ULK4: variants seen among roughly 807,000 people sequenced by gnomAD.
ULK4 encodes the protein inactive serine/threonine-protein kinase ULK4.
A neutral mutation model predicts 160.6 loss-of-function variants in ULK4; 133 were observed. The observed-to-expected ratio is 0.83, with a 90% confidence interval of 0.72 to 0.96. The LOEUF (loss-of-function observed/expected upper bound fraction) is 0.96, where lower values mean the gene tolerates loss of function less well. ULK4 is among the 40% of genes least tolerant of loss of function. ULK4 has a pLI of 0.00. For missense variants in ULK4, 1,580 were observed against 1,499.5 expected (o/e 1.05, Z -0.89); for synonymous variants, 534 against 539.8 (o/e 0.99, Z 0.15).
At chr3:41,905,642 C>A (rs1383235847) in intron 12 of ULK4, among the ~76,000 whole-genome samples, 2 of 151,886 alleles carry the variant, frequency 1.3e-5, no homozygotes, top group Non-Finnish European at 2.9e-5. Context: ...AGATAAATAA[C>A]CCAATTAAAA....
intron 2 of ULK4, among the ~76,000 whole-genome samples, chr3:41,940,504 A>T (rs1699916385): frequency 6.6e-6 from 1 of 152,070 alleles, no homozygotes; most frequent in Non-Finnish European, 1.5e-5. Context: ...TAAAAAAAAA[A>T]ATTTTTAATT....
intron 29 of ULK4, among the ~76,000 whole-genome samples, chr3:41,664,018 T>C (rs2035272864): frequency 6.6e-6 from 1 of 152,156 alleles, no homozygotes; most frequent in Admixed American, 6.5e-5. Context: ...CTGAAAAACA[T>C]ACAGACTCTG....
Position 41,645,957 on chromosome 3 carries a change from G to T in ULK4, c.3071+17650C>A, listed in dbSNP as rs1053916835. Among the ~76,000 whole-genome samples, 5 of 152,122 alleles carry T rather than the reference G, an allele frequency of 3.3e-5. No homozygotes were observed. The South Asian group carries it at 6.2e-4, about 19-fold the overall frequency. ...TTTACCATTATGTAATGGCCTTCCT[G>T]GTCTCTTTTGATCTTTGTTGGTTTA... On this transcript the variant is annotated intron_variant, in intron 30 of 36. Transcript: ENST00000301831.
chr3:41,866,725 T>C (rs1575853385), intron 17 of ULK4, among the ~76,000 whole-genome samples: 1 of 152,070 alleles, frequency 6.6e-6, no homozygotes, highest in Non-Finnish European at 1.5e-5. Flanking sequence ...AGCATATGTG[T>C]GTTGAATTCA....
Position 41,469,602 on chromosome 3 carries a change from C to CAAAAAAAAAAAAAAAAAAAAAAAAA in ULK4, c.3227-6374_3227-6350dup, listed in dbSNP as rs71616008. 8.0e-4 allele frequency among the ~76,000 whole-genome samples: 9 copies of CAAAAAAAAAAAAAAAAAAAAAAAAA among 11,310 alleles called. 1 individual carries two copies. Among genetic ancestry groups the CAAAAAAAAAAAAAAAAAAAAAAAAA allele is most frequent in the African/African-American group, 1.3e-3 (4 of 3,154 alleles). 7.4% of individuals were successfully genotyped at this position (11,310 alleles called of 152,430 possible). ...TGAAAGAGTGAAGGCCTACACCTGCCAAAAAAAAAAAAAAAAAAAAAAAAA... is the reference window on the plus strand; with the variant it reads ...TGAAAGAGTGAAGGCCTACACCTGCCAAAAAAAAAAAAAAAAAAAAAAAAAAAAAAAAAAAAAAAAAAAAAAAAAA... On this transcript the variant is annotated intron_variant, in intron 32 of 36. Transcript: ENST00000301831.
At chr3:41,722,199 T>A (rs1366762246) in intron 22 of ULK4, among the ~76,000 whole-genome samples, 1 of 152,136 alleles carries the variant, frequency 6.6e-6, no homozygotes, top group Non-Finnish European at 1.5e-5. Context: ...CTTTCTTGAG[T>A]ACACAAATCT....
chr3:41,612,705 A>G (rs906580941), intron 31 of ULK4, among the ~76,000 whole-genome samples: 7 of 152,194 alleles, frequency 4.6e-5, no homozygotes, highest in Non-Finnish European at 1.0e-4. Flanking sequence ...ACTATTTTAT[A>G]TAGATAAGAT....
chr3:41,813,670 A>G (rs1208671874), intron 19 of ULK4, among the ~76,000 whole-genome samples: 4 of 152,218 alleles, frequency 2.6e-5, no homozygotes, highest in Non-Finnish European at 5.9e-5. Context: ...GTACAGTTAT[A>G]TTTTCTGGTT....
chr3:41,386,114 C>A (rs1286469398), intron 35 of ULK4, among the ~76,000 whole-genome samples: 1 of 152,154 alleles, frequency 6.6e-6, no homozygotes, highest in Non-Finnish European at 1.5e-5. Context: ...TTCAGCACTT[C>A]CACGTTTGGC....
intron 17 of ULK4, among the ~76,000 whole-genome samples, chr3:41,876,903 T>C (rs1254290238): frequency 6.6e-6 from 1 of 152,186 alleles, no homozygotes; most frequent in African/African-American, 2.4e-5. Flanking sequence ...CCGGGTATGC[T>C]GGCAATGTTC....
At chr3:41,465,428 T>C (rs1179367700) in intron 32 of ULK4, among the ~76,000 whole-genome samples, 1 of 152,220 alleles carries the variant, frequency 6.6e-6, no homozygotes. Context: ...CATTGCCACT[T>C]TTAAAAATCA....
intron 35 of ULK4, among the ~76,000 whole-genome samples, chr3:41,310,771 T>C (rs2080032937): frequency 6.6e-6 from 1 of 152,184 alleles, no homozygotes; most frequent in South Asian, 2.1e-4. Context: ...GGTGGGCAGA[T>C]GGCTTGAGCC....
chr3:41,369,587 G>A (rs184537226), intron 35 of ULK4, among the ~76,000 whole-genome samples: 1 of 151,954 alleles, frequency 6.6e-6, no homozygotes, highest in East Asian at 1.9e-4. Context: ...GAGGTCAGGA[G>A]ATCGAGACCA....
intron 31 of ULK4, among the ~76,000 whole-genome samples, chr3:41,583,973 A>G (rs2030584274): frequency 6.6e-6 from 1 of 152,230 alleles, no homozygotes; most frequent in Non-Finnish European, 1.5e-5. Context: ...GATTCTTTCC[A>G]AAACCTATTT....
At chr3:41,950,631 C>T (rs146114960) in intron 2 of ULK4, among the ~76,000 whole-genome samples, 2,288 of 151,926 alleles carry the variant, frequency 0.015, 29 homozygotes, top group Non-Finnish European at 0.02. Context: ...TCAAGCAATT[C>T]GCCTGCCTCG....
chr3:41,542,998 G>A (rs1202550754), intron 32 of ULK4, among the ~76,000 whole-genome samples: 1 of 152,064 alleles, frequency 6.6e-6, no homozygotes, highest in African/African-American at 2.4e-5. Context: ...CCATTCTTAT[G>A]TAAAAGGAAG....
At chr3:41,701,651 C>T (rs188275864) in intron 27 of ULK4, among the ~76,000 whole-genome samples, 37 of 152,050 alleles carry the variant, frequency 2.4e-4, no homozygotes, top group East Asian at 5.8e-4. Context: ...GTAGTAAATA[C>T]GTGAATAAAT....
chr3:41,784,090 TA>T (rs1052067861), intron 21 of ULK4, among the ~76,000 whole-genome samples: 1 of 152,134 alleles, frequency 6.6e-6, no homozygotes, highest in Non-Finnish European at 1.5e-5. Context: ...TCCCTACATC[TA>T]GCAGTGATTC....
chr3:41,719,532 A>G (rs904775203), intron 22 of ULK4, among the ~76,000 whole-genome samples: 2 of 152,112 alleles, frequency 1.3e-5, no homozygotes, highest in African/African-American at 4.8e-5. Context: ...ATCACTCTCT[A>G]CCTTATTAAA....
Sources: allele counts gnomAD v4.1 joint callset (sites outside exome capture counted in the v4.1 genomes callset), GRCh38; gene constraint gnomAD v4.1.1; transcripts MANE v1.5; gene names NCBI Gene and HGNC (gene_info 2026-07-23, HGNC 2026-07-21).